Variants in SPATA9 observed in about 807,000 individuals in gnomAD.
SPATA9 encodes the protein spermatogenesis-associated protein 9.
SPATA9 carries 27 observed loss-of-function variants against 25.5 expected under a neutral mutation model. The observed-to-expected ratio is 1.06, with a 90% CI of 0.78 to 1.46. The LOEUF (loss-of-function observed/expected upper bound fraction) is 1.46, where lower values mean the gene tolerates loss of function less well. SPATA9 is among the 40% of genes most tolerant of loss of function. The pLI, the probability that SPATA9 is intolerant of heterozygous loss-of-function variation, is 0.00. For missense variants in SPATA9, 282 were observed against 297.5 expected (o/e 0.95, Z 0.38); for synonymous variants, 102 against 105.7 (o/e 0.97, Z 0.21).
the SPATA9 span, among the ~76,000 whole-genome samples, chr5:95,715,536 A>G: frequency 6.6e-6 from 1 of 152,226 alleles, no homozygotes; most frequent in Admixed American, 6.5e-5. Flanking sequence ...TAGAATATCC[A>G]TGTGGAGAAA....
At chr5:95,665,918 GA>G (rs1041499790) in intron 3 of SPATA9, among the ~76,000 whole-genome samples, 15 of 152,334 alleles carry the variant, frequency 9.8e-5, no homozygotes, top group South Asian at 4.1e-4. Flanking sequence ...GCAGTGAGCT[GA>G]AATCATGCCA....
chr5:95,654,861 G>C (rs537296103), downstream of SPATA9, among the ~76,000 whole-genome samples: 1 of 138,798 alleles, frequency 7.2e-6, no homozygotes, highest in East Asian at 1.9e-4. Context: ...TGTATACACT[G>C]TGCATAATTT....
chr5:95,690,854 T>G (rs1319324366), intron 1 of SPATA9, among the ~76,000 whole-genome samples: 1 of 152,198 alleles, frequency 6.6e-6, no homozygotes, highest in African/African-American at 2.4e-5. Flanking sequence ...AAAAAACACA[T>G]TTTTAAAAGA....
At chr5:95,689,001 G>A (rs542423515) in intron 1 of SPATA9, among the ~76,000 whole-genome samples, 7 of 151,912 alleles carry the variant, frequency 4.6e-5, no homozygotes, top group Non-Finnish European at 7.4e-5. Context: ...TGCAAGCACC[G>A]AAGACACATA....
chr5:95,670,639 A>G (rs1232835705), intron 3 of SPATA9: 8 of 156,606 alleles, frequency 5.1e-5, no homozygotes, highest in Non-Finnish European at 1.1e-4. Context: ...ACAAAGCTCC[A>G]TCTGAGACAG....
the SPATA9 span, among the ~76,000 whole-genome samples, chr5:95,709,883 G>C: frequency 6.6e-6 from 1 of 152,284 alleles, no homozygotes; most frequent in South Asian, 2.1e-4. Context: ...AGAGCTGCTT[G>C]ATCTGTTAGG....
chr5:95,672,003 T>TC (rs573857758), intron 3 of SPATA9, among the ~76,000 whole-genome samples: 1 of 150,460 alleles, frequency 6.6e-6, no homozygotes, highest in Non-Finnish European at 1.5e-5. Flanking sequence ...AAAGGGACCT[T>TC]CCCCCCACCC....
At chr5:95,719,939 C>T in the SPATA9 span, among the ~76,000 whole-genome samples, 3 of 152,150 alleles carry the variant, frequency 2.0e-5, no homozygotes, top group Admixed American at 1.3e-4. Context: ...GACCTGTACT[C>T]CAGGTGCTTA....
At chr5:95,674,837 A>G (rs1327790834) in intron 3 of SPATA9, 1 of 455,076 alleles carries the variant, frequency 2.2e-6, no homozygotes, top group Non-Finnish European at 4.4e-6. Flanking sequence ...AGATGCCAGA[A>G]TTGCAAAATT....
chr5:95,731,834 C>G, the SPATA9 span: 62 of 1,605,000 alleles, frequency 3.9e-5, 1 homozygote, highest in Admixed American at 1.0e-3. Context: ...CTTCCCTTCT[C>G]CCCTCGCCCC....
At chr5:95,685,192 C>A (rs1390508997), upstream of SPATA9, among the ~76,000 whole-genome samples, 2 of 152,182 alleles carry the variant, frequency 1.3e-5, no homozygotes, top group Admixed American at 1.3e-4. Context: ...TGGCAGGTTT[C>A]ATTAAATATG....
chr5:95,676,984 T>G (rs1258161581), intron 2 of SPATA9, among the ~76,000 whole-genome samples: 2 of 152,210 alleles, frequency 1.3e-5, no homozygotes, highest in South Asian at 2.1e-4. Context: ...GTCTGGGATT[T>G]TGCACTAGCT....
the SPATA9 span, chr5:95,731,625 C>T: frequency 2.5e-6 from 4 of 1,608,454 alleles, no homozygotes; most frequent in Admixed American, 1.7e-5. Context: ...GGGGGCCCCG[C>T]GAAGCCGTGA....
the SPATA9 span, among the ~76,000 whole-genome samples, chr5:95,718,293 G>T: frequency 1.3e-5 from 2 of 152,192 alleles, no homozygotes; most frequent in Non-Finnish European, 2.9e-5. Context: ...GGAGAAGAAA[G>T]GGGAAGTAGA....
Position 95,664,284 on chromosome 5 carries a change from T to G in SPATA9, c.379-236A>C, listed in dbSNP as rs144528701. On this transcript the variant is annotated intron_variant, in intron 3 of 4. Transcript: ENST00000274432. ...CTATAAAAATCTTGCATTTCTGCGA[T>G]CTAAATGACTAATTTTTGCCAATTA... Among the ~76,000 whole-genome samples, 295 of 152,314 alleles carry G rather than the reference T, an allele frequency of 1.9e-3. 2 individuals are homozygous for G. Among genetic ancestry groups the G allele is most frequent in the African/African-American group, 6.9e-3 (285 of 41,572 alleles).
chr5:95,669,722 G>T (rs1390438722), intron 3 of SPATA9, among the ~76,000 whole-genome samples: 1 of 152,142 alleles, frequency 6.6e-6, no homozygotes, highest in African/African-American at 2.4e-5. Context: ...AGCATTCAAG[G>T]CGATTATCTA....
chr5:95,697,285 C>A (rs213002), intron 1 of SPATA9, among the ~76,000 whole-genome samples: 86,365 of 151,936 alleles, frequency 0.57, 24,722 homozygotes, highest in East Asian at 0.8. Flanking sequence ...GATCTACTCC[C>A]AAGTTCACTC....
At chr5:95,673,803 G>C (rs1580323566) in intron 3 of SPATA9, among the ~76,000 whole-genome samples, 1 of 150,004 alleles carries the variant, frequency 6.7e-6, no homozygotes, top group African/African-American at 2.5e-5. Context: ...GAAGTGCAGT[G>C]GTGCAATCTT....
At chr5:95,685,123 T>C (rs961476439), upstream of SPATA9, among the ~76,000 whole-genome samples, 2 of 152,262 alleles carry the variant, frequency 1.3e-5, no homozygotes, top group African/African-American at 2.4e-5. Flanking sequence ...ATAAGTTCTA[T>C]AAGCCTCTTA....
Sources: allele counts gnomAD v4.1 joint callset (sites outside exome capture counted in the v4.1 genomes callset), GRCh38; gene constraint gnomAD v4.1.1; transcripts MANE v1.5; gene names NCBI Gene and HGNC (gene_info 2026-07-23, HGNC 2026-07-21).